Variants in ERBB4 observed in about 807,000 individuals in gnomAD.
The protein encoded by ERBB4 is receptor tyrosine-protein kinase erbB-4.
In ERBB4, 42 loss-of-function variants were observed where a neutral mutation model predicts 158.0. The observed-to-expected ratio is 0.27, with a 90% confidence interval of 0.21 to 0.34. The LOEUF (loss-of-function observed/expected upper bound fraction) is 0.34. Among genes scored for constraint, ERBB4 ranks in the 10% least tolerant of loss-of-function variants. ERBB4 has a pLI of 1.00. For synonymous variants in ERBB4, 583 were observed against 558.7 expected, an observed-to-expected ratio of 1.04 and a Z score of -0.61; for missense variants, 1,333 against 1,624.1, an observed-to-expected ratio of 0.82 and a Z score of 3.08.
chr2:211,481,292 C>T (rs971439545), intron 20 of ERBB4, among the ~76,000 whole-genome samples: 15 of 152,114 alleles, frequency 9.9e-5, no homozygotes, highest in African/African-American at 1.9e-4. Flanking sequence ...ATTGTGAACA[C>T]ACATGTTTGA....
chr2:211,751,993 T>A (rs902191256), intron 4 of ERBB4, among the ~76,000 whole-genome samples: 1 of 152,180 alleles, frequency 6.6e-6, no homozygotes, highest in Non-Finnish European at 1.5e-5. Flanking sequence ...GCAATTCTAT[T>A]TGTGAAGTAT....
chr2:211,489,393 A>G (rs929041737), intron 20 of ERBB4, among the ~76,000 whole-genome samples: 7 of 151,990 alleles, frequency 4.6e-5, no homozygotes, highest in Admixed American at 6.6e-5. Context: ...GGCTTCCTCA[A>G]TTGCAAATTT....
intron 2 of ERBB4, among the ~76,000 whole-genome samples, chr2:212,027,389 T>C (rs976418716): frequency 6.6e-6 from 1 of 152,078 alleles, no homozygotes; most frequent in Non-Finnish European, 1.5e-5. Flanking sequence ...TTTTATTTCA[T>C]AGAATTGGAG....
chr2:212,212,530 C>A (rs2082968346), intron 1 of ERBB4, among the ~76,000 whole-genome samples: 1 of 148,242 alleles, frequency 6.7e-6, no homozygotes, highest in South Asian at 2.1e-4. Flanking sequence ...ATAAAACTAT[C>A]ATTGACATTC....
At chr2:212,188,227 TCTCTCTCC>T (rs2082078617) in intron 1 of ERBB4, among the ~76,000 whole-genome samples, 2 of 30,732 alleles carry the variant, frequency 6.5e-5, no homozygotes, top group African/African-American at 2.9e-4. Flanking sequence ...TCTCTCTCTC[TCTCTCTCC>T]CCCCCCCTCT....
chr2:211,864,848 T>G (rs2078163224), intron 3 of ERBB4, among the ~76,000 whole-genome samples: 1 of 151,860 alleles, frequency 6.6e-6, no homozygotes, highest in South Asian at 2.1e-4. Context: ...CTGTCTCTAC[T>G]AAAAATACAA....
chr2:212,023,383 A>G (rs946402948), intron 2 of ERBB4, among the ~76,000 whole-genome samples: 1 of 152,082 alleles, frequency 6.6e-6, no homozygotes, highest in Non-Finnish European at 1.5e-5. Context: ...CACACCTATG[A>G]GATGATATTT....
At chr2:211,929,369 T>C (rs1023938331) in intron 3 of ERBB4, among the ~76,000 whole-genome samples, 3 of 152,040 alleles carry the variant, frequency 2.0e-5, no homozygotes, top group Admixed American at 1.3e-4. Context: ...GAAATATGTA[T>C]GTTTTAAAAC....
intron 12 of ERBB4, among the ~76,000 whole-genome samples, chr2:211,698,883 T>C (rs1274566779): frequency 1.3e-5 from 2 of 152,208 alleles, no homozygotes; most frequent in African/African-American, 4.8e-5. Flanking sequence ...ACGTAAATGA[T>C]AGATGCCCAA....
chr2:211,504,976 A>G lies in ERBB4; in HGVS notation c.2487+56927T>C, dbSNP rs79200550. Among the ~76,000 whole-genome samples, 1,294 of 152,264 alleles carry G rather than the reference A, an allele frequency of 8.5e-3. 18 individuals are homozygous for G. The highest frequency in any genetic ancestry group is 0.029 in the African/African-American group (1,212 of 41,588). On this transcript the variant is annotated intron_variant, in intron 20 of 27. Transcript: ENST00000342788. Reference sequence around the variant, plus strand: ...GAAAAGCAACCAAACTGAAGACTTAAAAACATTCTTGAGGGAGAAGATGAA... The same window carrying G: ...GAAAAGCAACCAAACTGAAGACTTAGAAACATTCTTGAGGGAGAAGATGAA...
intron 1 of ERBB4, among the ~76,000 whole-genome samples, chr2:212,193,960 G>T (rs2082348973): frequency 6.6e-6 from 1 of 151,916 alleles, no homozygotes; most frequent in Admixed American, 6.6e-5. Flanking sequence ...CCATTGTTTT[G>T]ACTATGGCAC....
chr2:212,251,073 C>T (rs868657933), intron 1 of ERBB4, among the ~76,000 whole-genome samples: 1 of 151,852 alleles, frequency 6.6e-6, no homozygotes, highest in African/African-American at 2.4e-5. Context: ...TTGATGGGTA[C>T]AAAATTATTT....
At chr2:212,365,945 A>C (rs1436090488) in intron 1 of ERBB4, among the ~76,000 whole-genome samples, 2 of 151,908 alleles carry the variant, frequency 1.3e-5, no homozygotes, top group Non-Finnish European at 2.9e-5. Flanking sequence ...AACAATGACA[A>C]TTAAGCATAT....
At chr2:211,556,029 C>G (rs146552698) in intron 20 of ERBB4, among the ~76,000 whole-genome samples, 1 of 152,072 alleles carries the variant, frequency 6.6e-6, no homozygotes, top group African/African-American at 2.4e-5. Flanking sequence ...GAGTGGCAAG[C>G]TGGATAACGA....
chr2:212,039,453 AG>A (rs1240548837), intron 2 of ERBB4, among the ~76,000 whole-genome samples: 2 of 152,182 alleles, frequency 1.3e-5, no homozygotes, highest in African/African-American at 4.8e-5. Context: ...TTTAATGCTT[AG>A]TACCTCTTTC....
chr2:212,053,002 C>G (rs1022530443), intron 2 of ERBB4, among the ~76,000 whole-genome samples: 3 of 152,122 alleles, frequency 2.0e-5, no homozygotes, highest in African/African-American at 7.2e-5. Context: ...TGTGGGGTTT[C>G]CATAACAACT....
At chr2:211,498,067 C>T (rs991601298) in intron 20 of ERBB4, among the ~76,000 whole-genome samples, 25 of 152,168 alleles carry the variant, frequency 1.6e-4, no homozygotes, top group Non-Finnish European at 1.5e-4. Flanking sequence ...AAGAAGATGC[C>T]AGCACTCCAT....
At chr2:212,021,899 T>C (rs565527988) in intron 2 of ERBB4, among the ~76,000 whole-genome samples, 204 of 152,064 alleles carry the variant, frequency 1.3e-3, no homozygotes, top group Non-Finnish European at 2.3e-3. Context: ...GACATTTATG[T>C]GGCCAAGAAA....
intron 1 of ERBB4, among the ~76,000 whole-genome samples, chr2:212,482,293 C>T (rs1484785652): frequency 1.3e-5 from 2 of 152,184 alleles, no homozygotes; most frequent in East Asian, 3.9e-4. Flanking sequence ...AATAAATCCA[C>T]AACTGAGTTT....
Sources: gnomAD v4.1 joint callset for allele counts (sites outside exome capture counted in the v4.1 genomes callset) on GRCh38, gnomAD v4.1.1 for gene constraint, MANE v1.5 for transcripts, NCBI Gene and HGNC (gene_info 2026-07-23, HGNC 2026-07-21) for gene names.